The following PTPRT variants were observed in gnomAD, a reference collection of about 807,000 sequenced individuals.
PTPRT encodes the protein receptor-type tyrosine-protein phosphatase T.
A neutral mutation model predicts 176.8 loss-of-function variants in PTPRT; 56 were observed. The observed-to-expected ratio is 0.32, with a 90% CI of 0.26 to 0.40. The LOEUF (loss-of-function observed/expected upper bound fraction) is 0.40, where lower values mean the gene tolerates loss of function less well. PTPRT is among the 10% of genes least tolerant of loss of function. The pLI, the probability that PTPRT is intolerant of heterozygous loss-of-function variation, is 1.00. For missense variants in PTPRT, 1,540 were observed against 1,908.2 expected (o/e 0.81, Z 3.60); for synonymous variants, 783 against 739.0 (o/e 1.06, Z -0.96).
intron 9 of PTPRT, among the ~76,000 whole-genome samples, chr20:42,354,085 T>C (rs566349904): frequency 2.6e-5 from 4 of 151,990 alleles, no homozygotes; most frequent in Non-Finnish European, 5.9e-5. Context: ...AATTATGGTA[T>C]AATATACATA....
At chr20:43,060,140 G>A (rs982913148) in intron 1 of PTPRT, among the ~76,000 whole-genome samples, 2 of 152,068 alleles carry the variant, frequency 1.3e-5, no homozygotes, top group African/African-American at 2.4e-5. Context: ...GTTTGGCACA[G>A]GAGCACCCCC....
Position 42,338,637 on chromosome 20 carries a change from T to C in PTPRT, c.1865+11991A>G, listed in dbSNP as rs1332496071. Among the ~76,000 whole-genome samples, 3 of 152,188 alleles carry C rather than the reference T, an allele frequency of 2.0e-5. No homozygotes were observed. The East Asian group carries it at 5.8e-4, about 29-fold the overall frequency. On this transcript the variant is annotated intron_variant, in intron 11 of 30. Coordinates refer to ENST00000373187, the MANE Select transcript of PTPRT (RefSeq NM_007050.6). ...CAATAGGCTGAAACTTAGCCTGGATTGGGACCAAATTCCTTTTTTTGAAAA... is the reference window on the plus strand; with the variant it reads ...CAATAGGCTGAAACTTAGCCTGGATCGGGACCAAATTCCTTTTTTTGAAAA...
At chr20:43,132,481 G>C (rs755174289) in intron 1 of PTPRT, among the ~76,000 whole-genome samples, 1 of 152,170 alleles carries the variant, frequency 6.6e-6, no homozygotes, top group Admixed American at 6.5e-5. Flanking sequence ...TGAATATGTT[G>C]TTCTTGGATA....
Position 42,282,536 on chromosome 20 carries a change from C to A in PTPRT, c.2140-11G>T. ...GTTGATTTTGGTCTCCTGTGAACAA[C>A]AAAAATGAGATGCCAATTAATTAGC... On this transcript the variant is annotated splice_polypyrimidine_tract_variant and intron_variant, in intron 12 of 30. Coordinates refer to ENST00000373187, the MANE Select transcript of PTPRT (RefSeq NM_007050.6). 6.2e-7 allele frequency: 1 copy of A among 1,600,494 alleles called. No homozygotes were observed. The highest frequency in any genetic ancestry group is 1.7e-5 in the Admixed American group (1 of 58,564).
At chr20:42,926,763 G>A (rs1374761616) in intron 1 of PTPRT, among the ~76,000 whole-genome samples, 2 of 152,180 alleles carry the variant, frequency 1.3e-5, no homozygotes, top group Non-Finnish European at 2.9e-5. Context: ...ATATTTGCCT[G>A]CATGATTGTT....
intron 1 of PTPRT, among the ~76,000 whole-genome samples, chr20:42,997,242 C>T (rs1984275035): frequency 6.6e-6 from 1 of 152,146 alleles, no homozygotes; most frequent in Non-Finnish European, 1.5e-5. Flanking sequence ...ATTCTCCTCC[C>T]CCTTGAACCT....
intron 16 of PTPRT, among the ~76,000 whole-genome samples, chr20:42,167,958 C>T (rs568810118): frequency 1.3e-5 from 2 of 152,014 alleles, no homozygotes; most frequent in African/African-American, 4.8e-5. Context: ...GAGCAGAAGC[C>T]TTATTGATAA....
At chr20:42,867,870 C>G (rs545767674) in intron 2 of PTPRT, among the ~76,000 whole-genome samples, 1 of 151,796 alleles carries the variant, frequency 6.6e-6, no homozygotes, top group Non-Finnish European at 1.5e-5. Flanking sequence ...TCAGTAGAGA[C>G]GAGTTTTCAC....
chr20:42,459,782 C>A (rs540241353), intron 8 of PTPRT, among the ~76,000 whole-genome samples: 72 of 151,832 alleles, frequency 4.7e-4, no homozygotes, highest in Admixed American at 4.7e-3. Flanking sequence ...CCTTGACCTC[C>A]CAGCCTCAAG....
chr20:42,869,064 C>T (rs1180628371), intron 2 of PTPRT, among the ~76,000 whole-genome samples: 2 of 152,172 alleles, frequency 1.3e-5, no homozygotes, highest in African/African-American at 4.8e-5. Context: ...TGGCTACCTC[C>T]ACCCAGATTT....
At chr20:42,582,408 C>T (rs2073389998) in intron 7 of PTPRT, among the ~76,000 whole-genome samples, 1 of 152,122 alleles carries the variant, frequency 6.6e-6, no homozygotes, top group South Asian at 2.1e-4. Context: ...TGGACAGAGA[C>T]AGGATCACAG....
At chr20:42,823,038 T>A (rs924992977) in intron 2 of PTPRT, among the ~76,000 whole-genome samples, 3 of 152,128 alleles carry the variant, frequency 2.0e-5, no homozygotes, top group Non-Finnish European at 4.4e-5. Context: ...CATTACTGGG[T>A]ATATACCCAG....
Position 42,110,976 on chromosome 20 carries a change from T to G in PTPRT, c.3100-489A>C, listed in dbSNP as rs151184047. 2.3e-4 allele frequency among the ~76,000 whole-genome samples: 35 copies of G among 152,306 alleles called. No individual in the cohort carries two copies. The East Asian group carries it at 6.7e-3, about 29-fold the overall frequency. ...TGATAGTCTGTGTGGCTTTCAAAGT[T>G]TATATAACTTAGTACTGACTTCTTT... On this transcript the variant is annotated intron_variant, in intron 22 of 30. Coordinates refer to ENST00000373187, the MANE Select transcript of PTPRT (RefSeq NM_007050.6).
intron 7 of PTPRT, among the ~76,000 whole-genome samples, chr20:42,576,508 T>C (rs987011333): frequency 6.6e-6 from 1 of 152,146 alleles, no homozygotes; most frequent in African/African-American, 2.4e-5. Context: ...GAATATCCAA[T>C]TGGCCATCCT....
rs1568774340 is a variant in PTPRT at position 43,083,364 on chromosome 20, AT to A, written c.88+106281del. Among the ~76,000 whole-genome samples, 127 of 125,680 alleles carry A rather than the reference AT, an allele frequency of 1.0e-3. 2 individuals are homozygous for A. The highest frequency in any genetic ancestry group is 8.1e-3 in the Middle Eastern group (2 of 248). 82.5% of individuals were successfully genotyped at this position (125,680 alleles called of 152,430 possible). ...TATATATATATATATATATATATAT[AT>A]ATATACATTTTTTGAGACAGAGTCT... On this transcript the variant is annotated intron_variant, in intron 1 of 30. Coordinates refer to ENST00000373187, the MANE Select transcript of PTPRT (RefSeq NM_007050.6).
intron 16 of PTPRT, among the ~76,000 whole-genome samples, chr20:42,185,485 A>G (rs1233983339): frequency 1.3e-5 from 2 of 152,166 alleles, no homozygotes; most frequent in Non-Finnish European, 2.9e-5. Flanking sequence ...GTTTTGTAGG[A>G]ACCATAAAAA....
At chr20:42,721,712 T>C (rs1267372931) in intron 6 of PTPRT, among the ~76,000 whole-genome samples, 3 of 152,162 alleles carry the variant, frequency 2.0e-5, no homozygotes, top group Non-Finnish European at 4.4e-5. Context: ...CATGAGCCAG[T>C]TTCATAGTCA....
intron 1 of PTPRT, among the ~76,000 whole-genome samples, chr20:43,120,297 A>T (rs1301235302): frequency 1.3e-5 from 2 of 148,590 alleles, no homozygotes; most frequent in East Asian, 2.0e-4. Context: ...TTTTAAATGG[A>T]GTCTCACTCT....
chr20:42,070,474 C>T (rs1457812855), downstream of PTPRT, among the ~76,000 whole-genome samples: 2 of 151,978 alleles, frequency 1.3e-5, no homozygotes, highest in Non-Finnish European at 2.9e-5. Context: ...GGATGTCCCT[C>T]TCTGCTAACG....
Sources: gnomAD v4.1 joint callset for allele counts (sites outside exome capture counted in the v4.1 genomes callset) on GRCh38, gnomAD v4.1.1 for gene constraint, MANE v1.5 for transcripts, NCBI Gene and HGNC (gene_info 2026-07-23, HGNC 2026-07-21) for gene names.